Variants in GSN observed in about 807,000 individuals in gnomAD.
GSN encodes the protein gelsolin.
In GSN, 56 loss-of-function variants were observed where a neutral mutation model predicts 85.7. That is an observed-to-expected ratio of 0.65 (90% CI 0.53 to 0.82). The LOEUF is 0.82. Ranked by LOEUF, GSN falls within the 40% of genes least tolerant of loss-of-function variation. The pLI, the probability that GSN is intolerant of heterozygous loss-of-function variation, is 0.00. For synonymous variants in GSN, 373 were observed against 399.1 expected, an observed-to-expected ratio of 0.93 and a Z score of 0.78; for missense variants, 857 against 979.8, an observed-to-expected ratio of 0.87 and a Z score of 1.67.
At chr9:121,298,861 T>G (rs1330510493) in intron 2 of GSN, among the ~76,000 whole-genome samples, 1 of 152,084 alleles carries the variant, frequency 6.6e-6, no homozygotes, top group Non-Finnish European at 1.5e-5. Context: ...GCACTTCCCT[T>G]AACCCAATGA....
chr9:121,281,570 G>C lies in GSN; in HGVS notation c.-10+8G>C, dbSNP rs1457338036. 1 of 466,734 alleles carries C rather than the reference G, an allele frequency of 2.1e-6. No individual in the cohort carries two copies. Among genetic ancestry groups the C allele is most frequent in the East Asian group, 7.0e-5 (1 of 14,280 alleles). The allele number at this position is 466,734 out of a possible 1,614,324, so 28.9% of individuals were successfully genotyped here. ...CCTGCACAGCCTTGTTAGGTAGGTA[G>C]AGCAATACAGACACCTGTCGTCCTC... On this transcript the variant is annotated splice_region_variant and intron_variant, in intron 2 of 17. Coordinates refer to ENST00000432226, the MANE Select transcript of GSN (RefSeq NM_198252.3).
intron 2 of GSN, among the ~76,000 whole-genome samples, chr9:121,293,670 C>T (rs900493234): frequency 7.1e-4 from 104 of 147,212 alleles, no homozygotes; most frequent in African/African-American, 2.4e-3. Flanking sequence ...TGCACTCCAG[C>T]CTGGGTGACA....
At chr9:121,210,162 G>A (rs1263313992) in intron 2 of GSN, 1 of 152,180 alleles carries the variant, frequency 6.6e-6, no homozygotes, top group Admixed American at 6.5e-5. Context: ...TTATCACAAA[G>A]GTGTGCTTCT....
chr9:121,321,811 C>T (rs1477683523), intron 11 of GSN, among the ~76,000 whole-genome samples: 1 of 151,974 alleles, frequency 6.6e-6, no homozygotes, highest in Non-Finnish European at 1.5e-5. Context: ...GGTGCGGTCT[C>T]GCTCACTGCA....
intron 4 of GSN, among the ~76,000 whole-genome samples, chr9:121,228,741 A>T (rs1034821093): frequency 5.3e-5 from 8 of 152,016 alleles, no homozygotes; most frequent in South Asian, 2.1e-4. Flanking sequence ...CCTTTATTTT[A>T]AAAAAATTCA....
chr9:121,286,016 G>C, intron 2 of GSN: 1 of 982,172 alleles, frequency 1.0e-6, no homozygotes, highest in Non-Finnish European at 1.6e-6. Flanking sequence ...AACTGTGTGT[G>C]CCTGTGATGC....
chr9:121,286,753 C>T (rs1175276738), intron 2 of GSN: 1 of 1,535,110 alleles, frequency 6.5e-7, no homozygotes, highest in Non-Finnish European at 8.7e-7. Context: ...CTTCATGCCA[C>T]TGTGTACAGT....
chr9:121,229,410 G>A (rs2054343189), intron 4 of GSN, among the ~76,000 whole-genome samples: 1 of 152,042 alleles, frequency 6.6e-6, no homozygotes, highest in African/African-American at 2.4e-5. Flanking sequence ...AGTAGAGTTG[G>A]GGTTTCGCCA....
chr9:121,212,567 G>A (rs550341773), intron 4 of GSN, among the ~76,000 whole-genome samples: 3 of 152,040 alleles, frequency 2.0e-5, no homozygotes, highest in South Asian at 4.2e-4. Context: ...CCAGAGCATG[G>A]TATCTGCGAC....
chr9:121,301,625 CAAAAA>C (rs753963979), intron 2 of GSN, among the ~76,000 whole-genome samples: 3 of 56,002 alleles, frequency 5.4e-5, no homozygotes, highest in Non-Finnish European at 8.6e-5. Flanking sequence ...GACTCTGTCT[CAAAAA>C]AAAAAAAAAA....
rs2064009379 is a variant in GSN at position 121,332,250 on chromosome 9, T to C, written c.2027-184T>C. On this transcript the variant is annotated intron_variant, in intron 17 of 17. Coordinates refer to ENST00000432226, the MANE Select transcript of GSN (RefSeq NM_198252.3). This position sits in a 1 kb window ranked among gnomAD's most constrained non-coding sequence, Gnocchi z 4.8. ...CTTCCTGTGTTCCTGAGCAGGGTGG[T>C]GGAGAGCCCACGTGGGTATCATGCC... Among the ~76,000 whole-genome samples, 1 of 151,968 alleles carries C rather than the reference T, an allele frequency of 6.6e-6. No homozygotes were observed. Among genetic ancestry groups the C allele is most frequent in the South Asian group, 2.1e-4 (1 of 4,820 alleles).
In GSN at chr9:121,327,266, C is replaced by CTT. The variant is rs771720236; in HGVS notation, c.1588-38_1588-37dup. On this transcript the variant is annotated intron_variant, in intron 13 of 17. Coordinates refer to ENST00000432226, the MANE Select transcript of GSN (RefSeq NM_198252.3). Reference sequence around the variant, plus strand: ...TGGGCTGTGAGGAGGGGGCTGAGGGCTTTTTGTCTGGTTCCTGATTAACCA... The same window carrying CTT: ...TGGGCTGTGAGGAGGGGGCTGAGGGCTTTTTTTGTCTGGTTCCTGATTAACCA... 41 of 1,563,020 alleles carry CTT rather than the reference C, an allele frequency of 2.6e-5. No homozygotes were observed. The South Asian group carries it at 4.4e-4, about 17-fold the overall frequency.
chr9:121,203,937 T>TTA (rs2053843839), upstream of GSN, among the ~76,000 whole-genome samples: 1 of 152,240 alleles, frequency 6.6e-6, no homozygotes, highest in South Asian at 2.1e-4. Flanking sequence ...CATTCTTTAA[T>TTA]AAGTATAGTT....
intron 5 of GSN, chr9:121,239,359 A>G: frequency 6.7e-6 from 3 of 450,248 alleles, no homozygotes; most frequent in Non-Finnish European, 1.3e-5. Flanking sequence ...GTTCAAAAAC[A>G]GGCAGATGTT....
intron 4 of GSN, among the ~76,000 whole-genome samples, chr9:121,214,184 CCTT>C (rs1198581394): frequency 6.7e-6 from 1 of 149,516 alleles, no homozygotes; most frequent in African/African-American, 2.5e-5. Flanking sequence ...CTCTCCTCCT[CCTT>C]TCTTTCCTTC....
chr9:121,248,875 C>A (rs2132230061), intron 6 of GSN, among the ~76,000 whole-genome samples: 1 of 152,156 alleles, frequency 6.6e-6, no homozygotes, highest in Non-Finnish European at 1.5e-5. Flanking sequence ...GGAGGCTGTG[C>A]TAAGAGGTCT....
At chr9:121,213,499 G>C (rs2054004332) in intron 4 of GSN, among the ~76,000 whole-genome samples, 1 of 152,216 alleles carries the variant, frequency 6.6e-6, no homozygotes. Flanking sequence ...TGGCAGCATT[G>C]TTTCCTCAGT....
At position 121,261,072 on chromosome 9, in the gene GSN, G is replaced by T. The variant is rs1310789515; in HGVS notation, c.-340-4082G>T. Among the ~76,000 whole-genome samples the T allele has an allele frequency of 6.6e-6, 1 of 152,166 alleles. No homozygotes were observed. The highest frequency in any genetic ancestry group is 1.5e-5 in the Non-Finnish European group (1 of 68,032). The stretch of plus-strand genomic sequence containing the variant: ...ACAACATTTGAAAAGCCCATTGTTC[G>T]GTGTTGTGATAATATAACTCTCTGT... On this transcript the variant is annotated intron_variant, in intron 6 of 24. Coordinates refer to the GSN transcript ENST00000373823. The surrounding 1 kb of genome is among the most constrained non-coding windows in gnomAD (Gnocchi z 4.1).
chr9:121,219,259 AT>A (rs34899791), intron 4 of GSN, among the ~76,000 whole-genome samples: 21,117 of 132,580 alleles, frequency 0.16, 1,583 homozygotes, highest in Admixed American at 0.22. Context: ...AAGTTAGGGG[AT>A]TTTTTTTTTT....
Sources: allele counts gnomAD v4.1 joint callset (sites outside exome capture counted in the v4.1 genomes callset), GRCh38; gene constraint gnomAD v4.1.1; non-coding constraint Gnocchi (gnomAD v3.1); transcripts MANE v1.5; gene names NCBI Gene and HGNC (gene_info 2026-07-23, HGNC 2026-07-21).